ONECUT1: variants seen among roughly 807,000 people sequenced by gnomAD.
The protein encoded by ONECUT1 is hepatocyte nuclear factor 6.
A neutral mutation model predicts 25.6 loss-of-function variants in ONECUT1; 12 were observed. That is an observed-to-expected ratio of 0.47 (90% CI 0.30 to 0.76). The LOEUF is 0.76. Among genes scored for constraint, ONECUT1 ranks in the 30% least tolerant of loss-of-function variants. The probability of loss-of-function intolerance (pLI) is 0.07; values close to 1 mark genes in which losing one functional copy is unlikely to be tolerated. For synonymous variants in ONECUT1, 285 were observed against 270.2 expected (o/e 1.05, Z -0.54); for missense variants, 620 against 651.2 (o/e 0.95, Z 0.52).
In ONECUT1 at chr15:52,757,768, G is replaced by A. The variant is rs2141443341; in HGVS notation, c.1185C>T (p.Val395=). The A allele has an allele frequency of 6.2e-7, 1 of 1,614,158 alleles. No individual in the cohort carries two copies. Among genetic ancestry groups the A allele is most frequent in the East Asian group, 2.2e-5 (1 of 44,882 alleles). Residue 395 remains valine, a synonymous_variant, in exon 2 of 2, where the codon GTC becomes GTT. Transcript: ENST00000305901. The stretch of plus-strand genomic sequence containing the variant: ...ATATTGCATGTAGAGTTCGACGCTG[G>A]ACATCTGTGAAGACCAACCTGGGCT... ...PKKPRLVFTD[V]QRRTLHAIFK...
intron 1 of ONECUT1, among the ~76,000 whole-genome samples, chr15:52,777,731 CACACACAA>C (rs1354243949): frequency 1.4e-4 from 12 of 84,238 alleles, no homozygotes; most frequent in South Asian, 4.0e-4. Context: ...CACACACACA[CACACACAA>C]AAAAACATGT....
chr15:52,760,725 C>T (rs940589377), intron 1 of ONECUT1, among the ~76,000 whole-genome samples: 43 of 151,912 alleles, frequency 2.8e-4, no homozygotes, highest in African/African-American at 7.7e-4. Context: ...GAGATGGCTT[C>T]GTGCATAGAC....
At chr15:52,757,902 T>G in intron 1 of ONECUT1, 55 bp from the exon 2 acceptor site, 1 of 1,547,090 alleles carries the variant, frequency 6.5e-7, no homozygotes, top group Non-Finnish European at 8.7e-7. Flanking sequence ...GAATCATGAG[T>G]AGAAAGACAG....
At position 52,788,292 on chromosome 15, in the gene ONECUT1, CA is replaced by C. The variant is rs917343349; in HGVS notation, c.1105+487del. 6.3e-6 allele frequency: 1 copy of C among 159,692 alleles called. No homozygotes were observed. The highest frequency in any genetic ancestry group is 2.4e-5 in the African/African-American group (1 of 41,644). The allele number at this position is 159,692 out of a possible 1,614,324, so 9.9% of individuals were successfully genotyped here. A position where few individuals can be genotyped will look rare whatever the true frequency, so the allele number is the denominator to read the frequency against. On this transcript the variant is annotated intron_variant, in intron 1 of 1. Coordinates refer to ENST00000305901, the MANE Select transcript of ONECUT1 (RefSeq NM_004498.4). This position sits in a 1 kb window ranked among gnomAD's most constrained non-coding sequence, Gnocchi z 4.3. Reference sequence around the variant, plus strand: ...AAAGAATGAGCGCGGGAGGGGGTCACAGCAGCCAGTTCGGCCAAACATCGAC... The same window carrying C: ...AAAGAATGAGCGCGGGAGGGGGTCACGCAGCCAGTTCGGCCAAACATCGAC...
chr15:52,789,063 C>G lies in ONECUT1; in HGVS notation c.822G>C (p.Ser274=). ...LLGTAREPNP[S]VTGAQVSNGS... ...CATTGCTGACCTGCGCGCCGGTCAC[C>G]GAAGGGTTGGGCTCCCGGGCTGTGC... Residue 274 remains serine (S), a synonymous_variant, in exon 1 of 2, where the codon TCG becomes TCC. Coordinates refer to ENST00000305901, the MANE Select transcript of ONECUT1 (RefSeq NM_004498.4). This position sits in a 1 kb window ranked among gnomAD's most constrained non-coding sequence, Gnocchi z 4.1. 1 of 1,602,782 alleles carries G rather than the reference C, an allele frequency of 6.2e-7. No individual in the cohort carries two copies. Among genetic ancestry groups the G allele is most frequent in the East Asian group, 2.2e-5 (1 of 44,872 alleles).
At chr15:52,759,898 C>T (rs1442595396) in intron 1 of ONECUT1, among the ~76,000 whole-genome samples, 1 of 152,044 alleles carries the variant, frequency 6.6e-6, no homozygotes, top group East Asian at 1.9e-4. Context: ...GCCCCCAGCC[C>T]ACAATACTAA....
intron 1 of ONECUT1, among the ~76,000 whole-genome samples, chr15:52,772,063 C>T (rs1285451527): frequency 3.9e-5 from 6 of 152,136 alleles, no homozygotes; most frequent in Non-Finnish European, 8.8e-5. Context: ...TAAAACCCAG[C>T]TGCATTGATT....
Position 52,757,808 on chromosome 15 carries a change from C to A in ONECUT1, c.1145G>T (p.Gly382Val). The A allele has an allele frequency of 6.2e-7, 1 of 1,614,094 alleles. No individual in the cohort carries two copies. Among genetic ancestry groups the A allele is most frequent in the Non-Finnish European group, 8.5e-7 (1 of 1,179,994 alleles). Residue 382 changes from glycine (G) to valine (V), a missense_variant, in exon 2 of 2, where the codon GGC becomes GTC. Around this residue, in one of 4 missense-constraint regions of ONECUT1, gnomAD observed 146 missense variants for 201.8 expected, o/e 0.72. Coordinates refer to ENST00000305901, the MANE Select transcript of ONECUT1 (RefSeq NM_004498.4). ...CAACCTGGGCTTTTTGGGTGTGTTGCCTCTATCCTTCCCATGTTCTTGTTC... is the reference window on the plus strand; with the variant it reads ...CAACCTGGGCTTTTTGGGTGTGTTGACTCTATCCTTCCCATGTTCTTGTTC... ...RKEQEHGKDRGNTPKKPRLVF... is the reference protein window; with the variant it reads ...RKEQEHGKDRVNTPKKPRLVF...
At chr15:52,766,855 C>T (rs2083737414) in intron 1 of ONECUT1, among the ~76,000 whole-genome samples, 1 of 152,188 alleles carries the variant, frequency 6.6e-6, no homozygotes, top group South Asian at 2.1e-4. Flanking sequence ...TCCTGCCATC[C>T]CATAGTCTGC....
In ONECUT1 at chr15:52,757,334, C is replaced by T. The variant is rs1173551566; in HGVS notation, c.*221G>A. 1.9e-6 allele frequency: 1 copy of T among 532,326 alleles called. No homozygotes were observed. Among genetic ancestry groups the T allele is most frequent in the Non-Finnish European group, 3.3e-6 (1 of 305,608 alleles). The allele number at this position is 532,326 out of a possible 1,614,324, so 33.0% of individuals were successfully genotyped here. ...TGAGATCCAGTGGTGTTTTCCTGCT[C>T]ATCATTTGTCTTGCCAAGTCGCCGC... On this transcript the variant is annotated 3_prime_UTR_variant, in exon 2 of 2. Transcript: ENST00000305901.
rs542471164 is a variant in ONECUT1, at chr15:52,788,472, G to T, written c.1105+308C>A. 2.7e-6 allele frequency: 1 copy of T among 368,786 alleles called. No homozygotes were observed. Among genetic ancestry groups the T allele is most frequent in the Admixed American group, 4.1e-5 (1 of 24,584 alleles). 22.8% of individuals were successfully genotyped at this position (368,786 alleles called of 1,614,324 possible). A position where few individuals can be genotyped will look rare whatever the true frequency, so the allele number is the denominator to read the frequency against. ...CGCAGAGTGTCTCACCAGGTGCGGG[G>T]ATTTCTCTCCGCCTCAGGCCGTACG... On this transcript the variant is annotated intron_variant, in intron 1 of 1. Coordinates refer to ENST00000305901, the MANE Select transcript of ONECUT1 (RefSeq NM_004498.4). The surrounding 1 kb of genome is among the most constrained non-coding windows in gnomAD (Gnocchi z 4.3).
chr15:52,769,697 G>A (rs925087722), intron 1 of ONECUT1, among the ~76,000 whole-genome samples: 6 of 152,118 alleles, frequency 3.9e-5, no homozygotes, highest in Non-Finnish European at 5.9e-5. Flanking sequence ...AACTAATTTG[G>A]GGTGGAACAT....
At chr15:52,769,780 A>G (rs1397714112) in intron 1 of ONECUT1, among the ~76,000 whole-genome samples, 1 of 152,214 alleles carries the variant, frequency 6.6e-6, no homozygotes, top group African/African-American at 2.4e-5. Context: ...ACTGAGTACC[A>G]GAGGGCAGAG....
At chr15:52,779,001 T>TA (rs900941600) in intron 1 of ONECUT1, among the ~76,000 whole-genome samples, 26 of 152,142 alleles carry the variant, frequency 1.7e-4, no homozygotes, top group African/African-American at 5.5e-4. Flanking sequence ...TTTTCTTTTT[T>TA]TTTTTTTTGT....
chr15:52,759,045 A>T (rs538571995), intron 1 of ONECUT1, among the ~76,000 whole-genome samples: 6 of 152,122 alleles, frequency 3.9e-5, no homozygotes, highest in African/African-American at 1.4e-4. Context: ...TTAGCCCCCT[A>T]TGTAGGCGTT....
rs1398627717 is a variant in ONECUT1 at position 52,788,005 on chromosome 15, C to G, written c.1105+775G>C. 6.6e-6 allele frequency: 1 copy of G among 152,158 alleles called. No individual in the cohort carries two copies. Among genetic ancestry groups the G allele is most frequent in the African/African-American group, 2.4e-5 (1 of 41,420 alleles). 9.4% of individuals were successfully genotyped at this position (152,158 alleles called of 1,614,324 possible). On this transcript the variant is annotated intron_variant, in intron 1 of 1. Transcript: ENST00000305901. This position sits in a 1 kb window ranked among gnomAD's most constrained non-coding sequence, Gnocchi z 4.3. ...CCCCCCTCCCGCACGGGGATTCAGA[C>G]GAAAATCGCGAAGAGGAATAATAAA...
At chr15:52,778,275 A>G (rs151119690) in intron 1 of ONECUT1, among the ~76,000 whole-genome samples, 2 of 152,258 alleles carry the variant, frequency 1.3e-5, no homozygotes, top group East Asian at 3.9e-4. Flanking sequence ...ATTTATGTTT[A>G]TTACTCATTT....
intron 1 of ONECUT1, among the ~76,000 whole-genome samples, chr15:52,779,400 T>A (rs113935935): frequency 0.019 from 2,892 of 149,812 alleles, 44 homozygotes; most frequent in Non-Finnish European, 0.025. Flanking sequence ...CCAGTTTATT[T>A]AAAAAAAAAA....
intron 1 of ONECUT1, among the ~76,000 whole-genome samples, chr15:52,775,677 T>C (rs554767495): frequency 3.3e-5 from 5 of 152,218 alleles, no homozygotes; most frequent in African/African-American, 4.8e-5. Context: ...GTTCAAAATA[T>C]TTATTAATTA....
Sources: gnomAD v4.1 joint callset for allele counts (sites outside exome capture counted in the v4.1 genomes callset) on GRCh38, gnomAD v4.1.1 for gene constraint, gnomAD v4.1.1 regional missense constraint, Gnocchi (gnomAD v3.1) non-coding constraint, MANE v1.5 for transcripts, NCBI Gene and HGNC (gene_info 2026-07-23, HGNC 2026-07-21) for gene names.